PGAM5: variants seen among roughly 807,000 people sequenced by gnomAD.
The protein encoded by PGAM5 is PGAM family member 5, mitochondrial serine/threonine protein phosphatase.
Under a neutral mutation model 30.6 loss-of-function variants are expected in PGAM5, and 25 were observed. The ratio of observed to expected loss-of-function variants is 0.82; its 90% CI spans 0.60 to 1.14. The LOEUF (loss-of-function observed/expected upper bound fraction) is 1.14. Among genes scored for constraint, PGAM5 ranks in the 50% most tolerant of loss-of-function variants. The pLI, the probability that PGAM5 is intolerant of heterozygous loss-of-function variation, is 0.00. For synonymous variants in PGAM5, 201 were observed against 179.1 expected (o/e 1.12, Z -0.98); for missense variants, 384 against 408.5 (o/e 0.94, Z 0.52).
At chr12:132,720,192 C>T (rs923729789) in intron 5 of PGAM5, among the ~76,000 whole-genome samples, 17 of 151,282 alleles carry the variant, frequency 1.1e-4, no homozygotes, top group African/African-American at 3.4e-4. Context: ...ATGTGTACCC[C>T]GGCCCTGAGG....
At chr12:132,715,144 C>T (rs2043562562) in intron 2 of PGAM5, 108 bp downstream of exon 2, 1 of 1,196,148 alleles carries the variant, frequency 8.4e-7, no homozygotes. Context: ...CGCCGACCCC[C>T]TTGGTCAGCT....
intron 1 of PGAM5, among the ~76,000 whole-genome samples, chr12:132,711,866 TATG>T (rs2043526569): frequency 6.6e-6 from 1 of 152,242 alleles, no homozygotes; most frequent in South Asian, 2.1e-4. Flanking sequence ...GAATTAAAAG[TATG>T]ATCGAAATTC....
chr12:132,711,047 C>G lies in PGAM5; in HGVS notation c.171C>G (p.Val57=), dbSNP rs2043516975. 1.6e-6 allele frequency: 2 copies of G among 1,212,298 alleles called. No homozygotes were observed. The highest frequency in any genetic ancestry group is 3.2e-5 in the African/African-American group (2 of 63,426). 75.1% of individuals were successfully genotyped at this position (1,212,298 alleles called of 1,614,324 possible). Residue 57 remains valine, a synonymous_variant, in exon 1 of 6, where the codon GTC becomes GTG. Coordinates refer to ENST00000498926, the MANE Select transcript of PGAM5 (RefSeq NM_001170543.2). ...WAGGARPGPG[V]WDPNWDRREP... ...GGGGCGCGCGGCCGGGCCCCGGTGT[C>G]TGGGACCCCAACTGGGACAGGTGCG...
chr12:132,718,935 G>A, intron 5 of PGAM5: 2 of 1,549,640 alleles, frequency 1.3e-6, no homozygotes, highest in African/African-American at 1.4e-5. Context: ...GCTCCCTCGG[G>A]GGGCCCTTGT....
chr12:132,722,470 G>C lies in PGAM5; in HGVS notation c.*1642G>C, dbSNP rs1409129840. On this transcript the variant is annotated 3_prime_UTR_variant, in exon 6 of 6. Transcript: ENST00000498926. Reference sequence around the variant, plus strand: ...TCACCGTGTTGGCCAGGCTGGTCTCGAACTCCTGACCTCGTGATCTACCCA... The same window carrying C: ...TCACCGTGTTGGCCAGGCTGGTCTCCAACTCCTGACCTCGTGATCTACCCA... 2 of 151,430 alleles carry C rather than the reference G, an allele frequency of 1.3e-5. No individual in the cohort carries two copies. Among genetic ancestry groups the C allele is most frequent in the East Asian group, 2.0e-4 (1 of 5,050 alleles). 9.4% of individuals were successfully genotyped at this position (151,430 alleles called of 1,614,324 possible).
chr12:132,718,732 C>T, intron 5 of PGAM5: 1 of 1,612,586 alleles, frequency 6.2e-7, no homozygotes, highest in South Asian at 1.1e-5. Context: ...GACCAACCAC[C>T]TTCTGCCTCC....
At chr12:132,715,107 T>C in intron 2 of PGAM5, 71 bp downstream of exon 2, 1 of 1,444,156 alleles carries the variant, frequency 6.9e-7, no homozygotes. Context: ...GCTGGCGCCT[T>C]GGTTATGTGA....
At position 132,720,709 on chromosome 12, in the gene PGAM5, CG is replaced by C; in HGVS notation, c.753del (p.Leu252SerfsTer12). 6.5e-7 allele frequency: 1 copy of C among 1,536,244 alleles called. No individual in the cohort carries two copies. The highest frequency in any genetic ancestry group is 8.7e-7 in the Non-Finnish European group (1 of 1,146,826). ...GCAGTTTCCTCCTGAAGGCTGGCTC[CG>C]GCTCTCCCTCAATAATGGCAGCATC... ...ALQFPPEGWL[R>X]LSLNNGSITH... On this transcript the variant is annotated frameshift_variant, in exon 6 of 6. Transcript: ENST00000498926. LOFTEE classifies it high-confidence loss of function.
At chr12:132,715,316 A>G (rs895894502) in intron 2 of PGAM5, among the ~76,000 whole-genome samples, 9 of 152,148 alleles carry the variant, frequency 5.9e-5, no homozygotes, top group Non-Finnish European at 1.3e-4. Flanking sequence ...CACGCCTGTA[A>G]TCCCAGCACT....
Position 132,720,904 on chromosome 12 carries a change from G to T in PGAM5, c.*76G>T. ...TTAACGTTTTGTTCCCAAGGAGACC[G>T]GCGGAAAGTAGAAACCTGCAATGCT... On this transcript the variant is annotated 3_prime_UTR_variant, in exon 6 of 6. Transcript: ENST00000498926. 3.4e-6 allele frequency: 5 copies of T among 1,453,516 alleles called. No individual in the cohort carries two copies. Among genetic ancestry groups the T allele is most frequent in the Non-Finnish European group, 4.6e-6 (5 of 1,097,294 alleles). The allele number at this position is 1,453,516 out of a possible 1,614,324, so 90.0% of individuals were successfully genotyped here.
chr12:132,717,419 A>C lies in PGAM5; in HGVS notation c.371-20A>C. On this transcript the variant is annotated intron_variant, in intron 2 of 5. Coordinates refer to ENST00000498926, the MANE Select transcript of PGAM5 (RefSeq NM_001170543.2). Reference sequence around the variant, plus strand: ...AGGAGGGGGTGCAGGTGCGGCACTCAGGTGCCTTTCACCTTCCAGGTCGGG... The same window carrying C: ...AGGAGGGGGTGCAGGTGCGGCACTCCGGTGCCTTTCACCTTCCAGGTCGGG... 1 of 1,602,388 alleles carries C rather than the reference A, an allele frequency of 6.2e-7. No individual in the cohort carries two copies. Among genetic ancestry groups the C allele is most frequent in the Non-Finnish European group, 8.5e-7 (1 of 1,179,496 alleles).
intron 3 of PGAM5, 30 bp from the exon 4 acceptor site, chr12:132,717,680 C>T: frequency 1.3e-6 from 2 of 1,565,146 alleles, no homozygotes; most frequent in Non-Finnish European, 1.7e-6. Context: ...GGGGCCGCCT[C>T]ACCCAGCGCT....
At position 132,717,512 on chromosome 12, in the gene PGAM5, G is replaced by T. The variant is rs150870131; in HGVS notation, c.444G>T (p.Ser148=). 2 of 1,610,966 alleles carry T rather than the reference G, an allele frequency of 1.2e-6. No individual in the cohort carries two copies. The change falls in exon 3 of 6, where the codon TCG becomes TCT. Residue 148 remains serine (S), a synonymous_variant. Coordinates refer to ENST00000498926, the MANE Select transcript of PGAM5 (RefSeq NM_001170543.2). ...LGLKFNKIVH[S]SMTRAIETTD... Reference sequence around the variant, plus strand: ...TGAAGTTTAATAAAATCGTCCATTCGTCTATGACGCGCGCCATAGAGACCA... The same window carrying T: ...TGAAGTTTAATAAAATCGTCCATTCTTCTATGACGCGCGCCATAGAGACCA...
intron 1 of PGAM5, among the ~76,000 whole-genome samples, chr12:132,713,634 G>C (rs2043543711): frequency 6.6e-6 from 1 of 152,144 alleles, no homozygotes; most frequent in African/African-American, 2.4e-5. Flanking sequence ...AATACCAGCA[G>C]GTTCGACTTT....
rs1000031393 is a variant in PGAM5 at position 132,722,699 on chromosome 12, T to C, written c.*1871T>C. The C allele has an allele frequency of 2.0e-5, 3 of 152,198 alleles. No homozygotes were observed. The highest frequency in any genetic ancestry group is 6.5e-5 in the Admixed American group (1 of 15,278). The allele number at this position is 152,198 out of a possible 1,614,324, so 9.4% of individuals were successfully genotyped here. A position where few individuals can be genotyped will look rare whatever the true frequency, so the allele number is the denominator to read the frequency against. ...ATTTCTCTGTCTACTTTGGAAATGA[T>C]TGCATAATAAATAAAATTTTACTGT... On this transcript the variant is annotated 3_prime_UTR_variant, in exon 6 of 6. Transcript: ENST00000498926.
At position 132,720,732 on chromosome 12, in the gene PGAM5, C is replaced by T. The variant is rs915648051; in HGVS notation, c.774C>T (p.Ser258=). The T allele has an allele frequency of 8.5e-6, 13 of 1,536,114 alleles. No individual in the cohort carries two copies. The East Asian group carries it at 2.2e-4, about 26-fold the overall frequency. The change falls in exon 6 of 6, where the codon AGC becomes AGT. Residue 258 remains serine, a synonymous_variant. Transcript: ENST00000498926. Reference sequence around the variant, plus strand: ...TCCGGCTCTCCCTCAATAATGGCAGCATCACCCACCTGGTGATCCGACCCA... The same window carrying T: ...TCCGGCTCTCCCTCAATAATGGCAGTATCACCCACCTGGTGATCCGACCCA... ...GWLRLSLNNG[S]ITHLVIRPNG... is the part of the protein sequence containing the mutation.
At position 132,722,538 on chromosome 12, in the gene PGAM5, A is replaced by C. The variant is rs76087830; in HGVS notation, c.*1710A>C. On this transcript the variant is annotated 3_prime_UTR_variant, in exon 6 of 6. Coordinates refer to ENST00000498926, the MANE Select transcript of PGAM5 (RefSeq NM_001170543.2). ...GCTGGGATTACAGGCGTGAGCTAGC[A>C]TGCCTGGCCAGGGATTAAAATATTC... 2 of 151,182 alleles carry C rather than the reference A, an allele frequency of 1.3e-5. No homozygotes were observed. Among genetic ancestry groups the C allele is most frequent in the Non-Finnish European group, 3.0e-5 (2 of 67,794 alleles). The allele number at this position is 151,182 out of a possible 1,614,324, so 9.4% of individuals were successfully genotyped here. A position where few individuals can be genotyped will look rare whatever the true frequency, so the allele number is the denominator to read the frequency against.
rs201513726 is a variant in PGAM5 at position 132,714,852 on chromosome 12, C to T, written c.192-6C>T. On this transcript the variant is annotated splice_polypyrimidine_tract_variant and splice_region_variant and intron_variant, in intron 1 of 5. Coordinates refer to ENST00000498926, the MANE Select transcript of PGAM5 (RefSeq NM_001170543.2). ...CTCAAGGACATATCTTGTATTTCAA[C>T]ATCAGGCGAGAACCACTGTCTCTGA... is the stretch of plus-strand genomic sequence containing the variant. The T allele has an allele frequency of 2.5e-6, 4 of 1,613,036 alleles. No individual in the cohort carries two copies. The highest frequency in any genetic ancestry group is 3.4e-6 in the Non-Finnish European group (4 of 1,179,648).
chr12:132,718,700 C>A, intron 5 of PGAM5: 2 of 1,559,198 alleles, frequency 1.3e-6, no homozygotes, highest in Non-Finnish European at 1.8e-6. Context: ...TGTAATTGAA[C>A]GTCCTGTTTC....
Sources: allele counts gnomAD v4.1 joint callset (sites outside exome capture counted in the v4.1 genomes callset), GRCh38; gene constraint gnomAD v4.1.1; transcripts MANE v1.5; gene names NCBI Gene and HGNC (gene_info 2026-07-23, HGNC 2026-07-21).